Variants in PKIB observed in about 807,000 individuals in gnomAD.
PKIB encodes the protein PKI-beta.
PKIB carries 2 observed loss-of-function variants against 4.5 expected under a neutral mutation model. The observed-to-expected ratio is 0.44, with a 90% CI of 0.18 to 1.39. The LOEUF (loss-of-function observed/expected upper bound fraction) is 1.39, where lower values mean the gene tolerates loss of function less well. PKIB is among the 40% of genes most tolerant of loss of function. The pLI is 0.27. For synonymous variants in PKIB, 38 were observed against 36.0 expected (o/e 1.06, Z -0.20); for missense variants, 94 against 92.6 (o/e 1.02, Z -0.06).
In PKIB at chr6:122,507,120, A is replaced by G. The variant is rs1435498655; in HGVS notation, c.-248+29181A>G. On this transcript the variant is annotated intron_variant, in intron 2 of 6. Coordinates refer to the PKIB transcript ENST00000392491. ...AAACTTTGTGAATGATCTGGGTTCT[A>G]TTTAGAAAATAAATGATAGAGTACT... Among the ~76,000 whole-genome samples, 4 of 152,174 alleles carry G rather than the reference A, an allele frequency of 2.6e-5. No individual in the cohort carries two copies. In the East Asian group the frequency reaches 7.7e-4, roughly 29 times the overall value.
At chr6:122,541,737 T>C (rs1405649926) in intron 2 of PKIB, among the ~76,000 whole-genome samples, 1 of 152,060 alleles carries the variant, frequency 6.6e-6, no homozygotes, top group Non-Finnish European at 1.5e-5. Context: ...CCTGCCTTGC[T>C]AGATTGGGGA....
intron 2 of PKIB, among the ~76,000 whole-genome samples, chr6:122,528,846 A>G (rs896770090): frequency 6.6e-6 from 1 of 152,124 alleles, no homozygotes; most frequent in African/African-American, 2.4e-5. Flanking sequence ...TTGCACTCTA[A>G]CCTGGGTGAC....
At chr6:122,501,655 C>T (rs915560318) in intron 2 of PKIB, among the ~76,000 whole-genome samples, 1 of 152,158 alleles carries the variant, frequency 6.6e-6, no homozygotes, top group African/African-American at 2.4e-5. Flanking sequence ...CTGAGTCTGG[C>T]CCATGAAACC....
At chr6:122,644,901 A>G (rs1028439881) in intron 2 of PKIB, 3 of 152,232 alleles carry the variant, frequency 2.0e-5, no homozygotes, top group Admixed American at 6.5e-5. Context: ...AAATATTCAT[A>G]TATCTTAGAG....
chr6:122,639,421 C>A (rs965843276), intron 2 of PKIB, among the ~76,000 whole-genome samples: 9 of 152,184 alleles, frequency 5.9e-5, no homozygotes, highest in Admixed American at 3.9e-4. Context: ...AACTCATTTT[C>A]TCAATTCTTC....
chr6:122,623,306 G>T (rs1406062140), intron 1 of PKIB, among the ~76,000 whole-genome samples: 1 of 152,154 alleles, frequency 6.6e-6, no homozygotes, highest in African/African-American at 2.4e-5. Flanking sequence ...AAACTAATTA[G>T]CTCTTGTAAG....
chr6:122,607,394 C>T (rs1774579060), upstream of PKIB, among the ~76,000 whole-genome samples: 2 of 152,130 alleles, frequency 1.3e-5, no homozygotes, highest in African/African-American at 4.8e-5. Context: ...GATGTGTGCC[C>T]GTAGTCTCAG....
At chr6:122,682,852 G>T (rs1357028713) in intron 3 of PKIB, among the ~76,000 whole-genome samples, 1 of 152,128 alleles carries the variant, frequency 6.6e-6, no homozygotes, top group Non-Finnish European at 1.5e-5. Context: ...GATGATTATG[G>T]TGCATAGTAA....
chr6:122,577,094 A>G (rs1238200080), intron 2 of PKIB, among the ~76,000 whole-genome samples: 1 of 152,196 alleles, frequency 6.6e-6, no homozygotes, highest in East Asian at 1.9e-4. Context: ...GGAAAGACAA[A>G]CAATAATTAC....
At chr6:122,539,727 T>C (rs1777529904) in intron 2 of PKIB, among the ~76,000 whole-genome samples, 1 of 147,316 alleles carries the variant, frequency 6.8e-6, no homozygotes, top group South Asian at 2.1e-4. Flanking sequence ...CCTCTTTTTC[T>C]ATTGATTGGA....
At chr6:122,591,220 C>CCA (rs372718344) in intron 3 of PKIB, among the ~76,000 whole-genome samples, 5 of 142,794 alleles carry the variant, frequency 3.5e-5, no homozygotes, top group South Asian at 2.2e-4. Context: ...ACACACACAC[C>CCA]CCCCACATAC....
At chr6:122,545,042 G>A (rs905414145) in intron 2 of PKIB, among the ~76,000 whole-genome samples, 1 of 152,054 alleles carries the variant, frequency 6.6e-6, no homozygotes, top group Non-Finnish European at 1.5e-5. Flanking sequence ...CTGCTCGTGG[G>A]AATGTAAATT....
At chr6:122,719,250 A>G (rs1362536764) in intron 4 of PKIB, among the ~76,000 whole-genome samples, 2 of 152,176 alleles carry the variant, frequency 1.3e-5, no homozygotes, top group Admixed American at 6.5e-5. Flanking sequence ...ACTGTGGGAG[A>G]GTCAGCAGTG....
At chr6:122,602,955 CAAAAAAA>C (rs71021410) in intron 3 of PKIB, among the ~76,000 whole-genome samples, 7 of 74,876 alleles carry the variant, frequency 9.3e-5, no homozygotes, top group African/African-American at 4.1e-4. Flanking sequence ...GACTGCGTCT[CAAAAAAA>C]AAAAAAAAAA....
intron 2 of PKIB, among the ~76,000 whole-genome samples, chr6:122,668,294 A>G (rs993769977): frequency 6.6e-6 from 1 of 152,186 alleles, no homozygotes; most frequent in Admixed American, 6.5e-5. Context: ...CAACAGTGAA[A>G]CTGTCTTCCA....
At chr6:122,527,917 C>T (rs924407540) in intron 2 of PKIB, among the ~76,000 whole-genome samples, 1 of 151,978 alleles carries the variant, frequency 6.6e-6, no homozygotes, top group East Asian at 1.9e-4. Flanking sequence ...ATTTAAATCC[C>T]CTGTTTTCTT....
intron 3 of PKIB, among the ~76,000 whole-genome samples, chr6:122,706,281 A>G (rs1361174283): frequency 1.3e-5 from 2 of 152,178 alleles, no homozygotes; most frequent in Non-Finnish European, 2.9e-5. Flanking sequence ...TTATTTGAAT[A>G]TATCATATAT....
rs112445449 is a variant in PKIB, at chr6:122,519,162, A to G, written c.-248+41223A>G. ...TACTGCCTGAGCTCTGCCTCCTGTC[A>G]GATCAGCAGCTCCTAGAGTCTCATA... On this transcript the variant is annotated intron_variant, in intron 2 of 6. Coordinates refer to the PKIB transcript ENST00000392491. Among the ~76,000 whole-genome samples, 87 of 152,250 alleles carry G rather than the reference A, an allele frequency of 5.7e-4. 1 individual carries two copies. Among genetic ancestry groups the G allele is most frequent in the Middle Eastern group, 3.4e-3 (1 of 294 alleles).
intron 3 of PKIB, among the ~76,000 whole-genome samples, chr6:122,599,783 A>G (rs1774298201): frequency 6.6e-6 from 1 of 152,168 alleles, no homozygotes; most frequent in Non-Finnish European, 1.5e-5. Flanking sequence ...GCTAAGCACT[A>G]TCAGTGTTCT....
Sources: allele counts gnomAD v4.1 joint callset (sites outside exome capture counted in the v4.1 genomes callset), GRCh38; gene constraint gnomAD v4.1.1; transcripts MANE v1.5; gene names NCBI Gene and HGNC (gene_info 2026-07-23, HGNC 2026-07-21).